Variants in TXNDC5 observed in about 807,000 individuals in gnomAD.
TXNDC5 encodes thioredoxin domain containing 5.
TXNDC5 carries 44 observed loss-of-function variants against 52.6 expected under a neutral mutation model. That is an observed-to-expected ratio of 0.84 (90% CI 0.66 to 1.08). The LOEUF (loss-of-function observed/expected upper bound fraction) is 1.08, where lower values mean the gene tolerates loss of function less well. Among genes scored for constraint, TXNDC5 ranks in the 50% least tolerant of loss-of-function variants. TXNDC5 has a pLI of 0.00. For missense variants in TXNDC5, 600 were observed against 565.5 expected, an observed-to-expected ratio of 1.06 and a Z score of -0.62; for synonymous variants, 241 against 234.4, an observed-to-expected ratio of 1.03 and a Z score of -0.26.
Position 7,910,672 on chromosome 6 carries a change from G to A in TXNDC5, c.105C>T (p.Gly35=). 5.4e-6 allele frequency: 6 copies of A among 1,103,790 alleles called. No homozygotes were observed. The highest frequency in any genetic ancestry group is 1.7e-5 in the African/African-American group (1 of 58,918). The allele number at this position is 1,103,790 out of a possible 1,614,324, so 68.4% of individuals were successfully genotyped here. The change falls in exon 1 of 10, where the codon GGC becomes GGT. Residue 35 remains glycine (G), a synonymous_variant. Transcript: ENST00000379757. ...LLGHGGGGRW[G]ARAQEAAAAA... is the part of the protein sequence containing the mutation. Reference sequence around the variant, plus strand: ...CCGCCGCCGCCTCCTGGGCCCGGGCGCCCCAGCGCCCGCCGCCGCCATGGC... The same window carrying A: ...CCGCCGCCGCCTCCTGGGCCCGGGCACCCCAGCGCCCGCCGCCGCCATGGC...
intron 1 of TXNDC5, among the ~76,000 whole-genome samples, chr6:7,908,281 CAAAAAAAA>C (rs57783770): frequency 6.4e-5 from 4 of 62,780 alleles, no homozygotes; most frequent in African/African-American, 1.1e-4. Flanking sequence ...GACTCCATCT[CAAAAAAAA>C]AAAAAAAAAA....
At chr6:7,888,917 C>T in intron 6 of TXNDC5, 69 bp from the exon 7 acceptor site, 7 of 1,517,486 alleles carry the variant, frequency 4.6e-6, no homozygotes, top group Non-Finnish European at 5.3e-6. Context: ...AGCCTTCCTG[C>T]AACCCCTGCT....
rs183957259 is a variant in TXNDC5 at position 7,895,837 on chromosome 6, A to C, written c.520-635T>G. On this transcript the variant is annotated intron_variant, in intron 3 of 9. Coordinates refer to ENST00000379757, the MANE Select transcript of TXNDC5 (RefSeq NM_030810.5). Reference sequence around the variant, plus strand: ...GAGACCCCATCGCTACAAAAAAAAAATTTTATTTACCTGAGCATGGTGACG... The same window carrying C: ...GAGACCCCATCGCTACAAAAAAAAACTTTTATTTACCTGAGCATGGTGACG... Among the ~76,000 whole-genome samples the C allele has an allele frequency of 2.1e-3, 323 of 152,180 alleles. 2 individuals carry two copies. Among genetic ancestry groups the C allele is most frequent in the African/African-American group, 6.3e-3 (260 of 41,502 alleles).
intron 2 of TXNDC5, among the ~76,000 whole-genome samples, chr6:7,902,791 G>A (rs1022945987): frequency 7.9e-5 from 12 of 152,082 alleles, no homozygotes; most frequent in African/African-American, 2.9e-4. Context: ...TTTACTTGGG[G>A]AGACCAGCTC....
intron 8 of TXNDC5, 103 bp downstream of exon 8, chr6:7,885,858 C>A (rs900090823): frequency 6.1e-6 from 6 of 984,498 alleles, no homozygotes; most frequent in Middle Eastern, 2.2e-4. Flanking sequence ...ATAAATGTAA[C>A]ATGTGCCCAA....
At chr6:7,906,323 G>C (rs1409124220) in intron 1 of TXNDC5, among the ~76,000 whole-genome samples, 3 of 151,962 alleles carry the variant, frequency 2.0e-5, no homozygotes, top group African/African-American at 7.3e-5. Flanking sequence ...GGATCACAAG[G>C]TCAGGAGTTC....
chr6:7,893,095 G>A (rs181586390), intron 4 of TXNDC5, among the ~76,000 whole-genome samples: 9 of 152,226 alleles, frequency 5.9e-5, no homozygotes, highest in Non-Finnish European at 7.4e-5. Flanking sequence ...CCTTGGCTAC[G>A]GGGAAAAAAA....
intron 5 of TXNDC5, among the ~76,000 whole-genome samples, chr6:7,889,826 A>C (rs149231709): frequency 1.2e-3 from 176 of 152,346 alleles, no homozygotes; most frequent in Non-Finnish European, 9.1e-4. Context: ...GCTCAGTTAA[A>C]CATGCCGGTT....
chr6:7,885,142 C>T (rs936881791), intron 8 of TXNDC5, among the ~76,000 whole-genome samples: 3 of 152,202 alleles, frequency 2.0e-5, no homozygotes, highest in Non-Finnish European at 4.4e-5. Flanking sequence ...TGCTATGGTT[C>T]GTTCAAGTCC....
chr6:7,884,845 A>G (rs1759905664), intron 8 of TXNDC5, among the ~76,000 whole-genome samples: 1 of 152,246 alleles, frequency 6.6e-6, no homozygotes, highest in Non-Finnish European at 1.5e-5. Flanking sequence ...CACAATTTCT[A>G]AAAGGTCACT....
chr6:7,894,232 C>T (rs534893714), intron 4 of TXNDC5, among the ~76,000 whole-genome samples: 1 of 152,010 alleles, frequency 6.6e-6, no homozygotes, highest in South Asian at 2.1e-4. Context: ...GATCTTCCCA[C>T]CTCAGCTTCA....
At chr6:7,885,919 G>GTACA in intron 8 of TXNDC5, 42 bp downstream of exon 8, 1 of 1,590,248 alleles carries the variant, frequency 6.3e-7, no homozygotes, top group South Asian at 1.1e-5. Flanking sequence ...ATGTGACTTA[G>GTACA]TACACATGGA....
In TXNDC5 at chr6:7,910,209, C is replaced by A. The variant is rs1425810969; in HGVS notation, c.263+305G>T. The A allele has an allele frequency of 5.3e-6, 5 of 942,444 alleles. No individual in the cohort carries two copies. The African/African-American group carries it at 5.3e-5, about 10-fold the overall frequency. The allele number at this position is 942,444 out of a possible 1,614,324, so 58.4% of individuals were successfully genotyped here. ...GCCCGCTGAGCTCACGCCTCCCGAC[C>A]CGGAGCCCCAAGCCCTCGGTCCCCT... is the stretch of plus-strand genomic sequence containing the variant. On this transcript the variant is annotated intron_variant, in intron 1 of 9. Transcript: ENST00000379757.
intron 4 of TXNDC5, 165 bp downstream of exon 4, chr6:7,894,941 G>C: frequency 1.0e-6 from 1 of 985,246 alleles, no homozygotes; most frequent in Non-Finnish European, 1.2e-6. Context: ...TCATGTTTTA[G>C]AGGAGGTGCA....
intron 2 of TXNDC5, 23 bp downstream of exon 2, chr6:7,904,551 G>A (rs1760673673): frequency 6.2e-6 from 10 of 1,611,958 alleles, no homozygotes; most frequent in Non-Finnish European, 8.5e-6. Context: ...CCTAGGAAGT[G>A]TGCCCCCTTC....
chr6:7,883,413 G>T, intron 9 of TXNDC5, 147 bp from the exon 10 acceptor site: 9 of 1,138,556 alleles, frequency 7.9e-6, no homozygotes, highest in Non-Finnish European at 1.1e-5. Context: ...ATTAAAACAG[G>T]AGCAGACTAC....
chr6:7,894,552 A>C (rs922420263), intron 4 of TXNDC5, among the ~76,000 whole-genome samples: 1 of 152,248 alleles, frequency 6.6e-6, no homozygotes, highest in African/African-American at 2.4e-5. Flanking sequence ...CAAGTCACAC[A>C]AATTTTTTGG....
At position 7,885,969 on chromosome 6, in the gene TXNDC5, ATAAAACTTGAT is replaced by A; in HGVS notation, c.1027_1037del (p.Ile343CysfsTer8). On this transcript the variant is annotated frameshift_variant, in exon 8 of 10. Coordinates refer to ENST00000379757, the MANE Select transcript of TXNDC5 (RefSeq NM_030810.5). LOFTEE classifies it high-confidence loss of function. ...ATTAAACAGCCACTTACCATGGAGC[ATAAAACTTGAT>A]GAAGGTTATTCCTTCTGCAATGGTG... 6.2e-7 allele frequency: 1 copy of A among 1,614,194 alleles called. No individual in the cohort carries two copies. The highest frequency in any genetic ancestry group is 8.5e-7 in the Non-Finnish European group (1 of 1,180,018).
intron 1 of TXNDC5, among the ~76,000 whole-genome samples, chr6:7,906,424 T>C (rs6910015): frequency 0.12 from 17,411 of 150,770 alleles, 1,168 homozygotes; most frequent in African/African-American, 0.2. Flanking sequence ...TAATCTCAGC[T>C]ACTCAGGAGG....
Sources: allele counts gnomAD v4.1 joint callset (sites outside exome capture counted in the v4.1 genomes callset), GRCh38; gene constraint gnomAD v4.1.1; transcripts MANE v1.5; gene names NCBI Gene and HGNC (gene_info 2026-07-23, HGNC 2026-07-21).